ST6GALNAC3: variants seen among roughly 807,000 people sequenced by gnomAD.
ST6GALNAC3 encodes the protein alpha-N-acetylgalactosaminide alpha-2,6-sialyltransferase 3.
Under a neutral mutation model 32.7 loss-of-function variants are expected in ST6GALNAC3, and 25 were observed. The observed-to-expected ratio is 0.76, with a 90% CI of 0.56 to 1.07. ST6GALNAC3 has a LOEUF of 1.07. Ranked by LOEUF, ST6GALNAC3 falls within the 50% of genes least tolerant of loss-of-function variation. The probability of loss-of-function intolerance (pLI) is 0.00; values close to 1 mark genes in which losing one functional copy is unlikely to be tolerated. For synonymous variants in ST6GALNAC3, 129 were observed against 133.1 expected (o/e 0.97, Z 0.21); for missense variants, 355 against 382.4 (o/e 0.93, Z 0.60).
At chr1:76,451,682 G>A (rs1348269124) in intron 3 of ST6GALNAC3, among the ~76,000 whole-genome samples, 2 of 152,084 alleles carry the variant, frequency 1.3e-5, no homozygotes. Flanking sequence ...TGAAGCTATT[G>A]TAAAAAGGGT....
chr1:76,424,891 T>C (rs193296471), intron 3 of ST6GALNAC3, among the ~76,000 whole-genome samples: 11 of 152,112 alleles, frequency 7.2e-5, no homozygotes, highest in African/African-American at 2.4e-4. Context: ...ATTTTTGTTT[T>C]GAGTCCTTTG....
At chr1:76,227,927 T>C (rs1656166106) in intron 1 of ST6GALNAC3, among the ~76,000 whole-genome samples, 1 of 152,182 alleles carries the variant, frequency 6.6e-6, no homozygotes. Context: ...GGGATGTGGT[T>C]TCTAGATTCT....
chr1:76,391,758 A>G lies in ST6GALNAC3; in HGVS notation c.214-20250A>G, dbSNP rs1368812278. ...TATTTTCCTCCATCTAGTTTTCATC[A>G]GAGAAAATTTTCTGCTTCATCAAAC... On this transcript the variant is annotated intron_variant, in intron 2 of 4. Coordinates refer to ENST00000328299, the MANE Select transcript of ST6GALNAC3 (RefSeq NM_152996.4). 2.6e-5 allele frequency among the ~76,000 whole-genome samples: 4 copies of G among 152,198 alleles called. No individual in the cohort carries two copies. The East Asian group carries it at 5.8e-4, about 22-fold the overall frequency.
At chr1:76,297,163 GAACTAATTTGTCC>G (rs1426251771) in intron 1 of ST6GALNAC3, among the ~76,000 whole-genome samples, 2 of 151,946 alleles carry the variant, frequency 1.3e-5, no homozygotes, top group African/African-American at 4.8e-5. Flanking sequence ...CAGTAGATAG[GAACTAATTTGTCC>G]AAGGTGGAGA....
At chr1:76,418,071 G>A (rs886648254) in intron 3 of ST6GALNAC3, among the ~76,000 whole-genome samples, 19 of 152,164 alleles carry the variant, frequency 1.2e-4, no homozygotes, top group Admixed American at 3.9e-4. Flanking sequence ...ATCTTAAGGA[G>A]AGAAAAAGAA....
intron 3 of ST6GALNAC3, among the ~76,000 whole-genome samples, chr1:76,419,274 A>G (rs1557871428): frequency 6.6e-6 from 1 of 152,120 alleles, no homozygotes; most frequent in Non-Finnish European, 1.5e-5. Flanking sequence ...AGAAGGCCAG[A>G]TTCTCAGAAA....
At chr1:76,546,470 T>A (rs1664305309) in intron 3 of ST6GALNAC3, among the ~76,000 whole-genome samples, 1 of 152,202 alleles carries the variant, frequency 6.6e-6, no homozygotes, top group Non-Finnish European at 1.5e-5. Flanking sequence ...AAGCTGCTCC[T>A]TTTTAGAATT....
In ST6GALNAC3 at chr1:76,633,633, A is replaced by G. The variant is rs1214249268; in HGVS notation, c.*4827A>G. ...GCTAAAATGTCCTCATACTCAAACC[A>G]ACTGTGCTGCCCAAGTTAGTGAAAT... On this transcript the variant is annotated 3_prime_UTR_variant, in exon 5 of 5. Transcript: ENST00000328299. 1 of 152,176 alleles carries G rather than the reference A, an allele frequency of 6.6e-6. No individual in the cohort carries two copies. Among genetic ancestry groups the G allele is most frequent in the Non-Finnish European group, 1.5e-5 (1 of 68,030 alleles). The allele number at this position is 152,176 out of a possible 1,614,324, so 9.4% of individuals were successfully genotyped here.
chr1:76,443,334 A>G (rs764909037), intron 3 of ST6GALNAC3, among the ~76,000 whole-genome samples: 21 of 152,152 alleles, frequency 1.4e-4, no homozygotes, highest in East Asian at 5.8e-4. Context: ...AAACTTTTCA[A>G]TGAGAAGATC....
At chr1:76,541,584 T>C (rs1663994816) in intron 3 of ST6GALNAC3, among the ~76,000 whole-genome samples, 1 of 152,258 alleles carries the variant, frequency 6.6e-6, no homozygotes, top group Non-Finnish European at 1.5e-5. Flanking sequence ...CATCTGCTTT[T>C]TGTGACAGAC....
At chr1:76,187,237 A>G (rs1465140388) in intron 1 of ST6GALNAC3, among the ~76,000 whole-genome samples, 1 of 152,234 alleles carries the variant, frequency 6.6e-6, no homozygotes, top group African/African-American at 2.4e-5. Context: ...ATTCTACTTC[A>G]GAGTCACAGC....
intron 3 of ST6GALNAC3, among the ~76,000 whole-genome samples, chr1:76,621,532 T>C (rs1475160760): frequency 6.6e-6 from 1 of 152,044 alleles, no homozygotes; most frequent in East Asian, 1.9e-4. Flanking sequence ...GTTAATACAA[T>C]GGGCAAACTT....
At position 76,525,787 on chromosome 1, in the gene ST6GALNAC3, G is replaced by A. The variant is rs372871864; in HGVS notation, c.624-101665G>A. 8.4e-5 allele frequency among the ~76,000 whole-genome samples: 6 copies of A among 71,420 alleles called. No individual in the cohort carries two copies. In the East Asian group the frequency reaches 1.9e-3, roughly 22 times the overall value. 46.9% of individuals were successfully genotyped at this position (71,420 alleles called of 152,430 possible). A position where few individuals can be genotyped will look rare whatever the true frequency, so the allele number is the denominator to read the frequency against. On this transcript the variant is annotated intron_variant, in intron 3 of 4. Transcript: ENST00000328299. ...TATGTGTGTTTGTGTGTGTGTGTGTGTGTGTATATATATATATATATATAT... is the reference window on the plus strand; with the variant it reads ...TATGTGTGTTTGTGTGTGTGTGTGTATGTGTATATATATATATATATATAT...
intron 1 of ST6GALNAC3, among the ~76,000 whole-genome samples, chr1:76,103,226 C>A (rs1164527873): frequency 1.3e-5 from 2 of 151,426 alleles, no homozygotes; most frequent in Non-Finnish European, 2.9e-5. Flanking sequence ...CCTTCTGAGG[C>A]CTGATATCTT....
chr1:76,208,083 T>C (rs1261292526), intron 1 of ST6GALNAC3, among the ~76,000 whole-genome samples: 1 of 143,006 alleles, frequency 7.0e-6, no homozygotes, highest in African/African-American at 2.6e-5. Flanking sequence ...CCCATGCTAG[T>C]CCTTTCATGC....
intron 3 of ST6GALNAC3, among the ~76,000 whole-genome samples, chr1:76,448,244 C>T (rs1020917249): frequency 6.6e-6 from 1 of 152,130 alleles, no homozygotes; most frequent in Non-Finnish European, 1.5e-5. Flanking sequence ...GGGCCTTTAG[C>T]ACCTTGGTTT....
At position 76,417,039 on chromosome 1, in the gene ST6GALNAC3, A is replaced by G. The variant is rs184171273; in HGVS notation, c.623+4622A>G. Among the ~76,000 whole-genome samples the G allele has an allele frequency of 5.7e-4, 87 of 152,226 alleles. 1 individual carries two copies. The highest frequency in any genetic ancestry group is 2.9e-4 in the Non-Finnish European group (20 of 68,000). The stretch of plus-strand genomic sequence containing the variant: ...TAAGTTTAGGCCAACTCACAAACAT[A>G]TTGGAATACCTTTTTGAAGCAAATG... On this transcript the variant is annotated intron_variant, in intron 3 of 4. Transcript: ENST00000328299.
intron 3 of ST6GALNAC3, among the ~76,000 whole-genome samples, chr1:76,457,867 A>G (rs558786356): frequency 6.6e-6 from 1 of 150,658 alleles, no homozygotes; most frequent in South Asian, 2.1e-4. Flanking sequence ...TGGCAACAAA[A>G]GCCAAAATTG....
chr1:76,448,669 C>T (rs975004761), intron 3 of ST6GALNAC3, among the ~76,000 whole-genome samples: 29 of 152,244 alleles, frequency 1.9e-4, no homozygotes, highest in Middle Eastern at 3.4e-3. Context: ...TCTCACAAGA[C>T]CCAATGTTTT....
Sources: gnomAD v4.1 joint callset for allele counts (sites outside exome capture counted in the v4.1 genomes callset) on GRCh38, gnomAD v4.1.1 for gene constraint, MANE v1.5 for transcripts, NCBI Gene and HGNC (gene_info 2026-07-23, HGNC 2026-07-21) for gene names.